NYAP2: variants seen among roughly 807,000 people sequenced by gnomAD.
NYAP2 encodes the protein neuronal tyrosine-phosphorylated phosphoinositide-3-kinase adapter 2.
A neutral mutation model predicts 50.4 loss-of-function variants in NYAP2; 23 were observed. That is an observed-to-expected ratio of 0.46 (90% CI 0.33 to 0.65). NYAP2 has a LOEUF of 0.65. Among genes scored for constraint, NYAP2 ranks in the 30% least tolerant of loss-of-function variants. The pLI is 0.02. For synonymous variants in NYAP2, 394 were observed against 365.2 expected (o/e 1.08, Z -0.90); for missense variants, 885 against 861.0 (o/e 1.03, Z -0.35).
At position 225,595,683 on chromosome 2, in the gene NYAP2, T is replaced by C. The variant is rs140429270; in HGVS notation, c.1618+12648T>C. Reference sequence around the variant, plus strand: ...TCACTTGTAGCCTGCAGAATTCATTTTGGCATCTGAACCAAGCTGTGTGTA... The same window carrying C: ...TCACTTGTAGCCTGCAGAATTCATTCTGGCATCTGAACCAAGCTGTGTGTA... On this transcript the variant is annotated intron_variant, in intron 5 of 6. Transcript: ENST00000636099. Among the ~76,000 whole-genome samples, 63 of 152,354 alleles carry C rather than the reference T, an allele frequency of 4.1e-4. No individual in the cohort carries two copies. The East Asian group carries it at 0.011, about 28-fold the overall frequency.
At chr2:225,629,373 C>T (rs1693270492) in intron 6 of NYAP2, among the ~76,000 whole-genome samples, 1 of 152,204 alleles carries the variant, frequency 6.6e-6, no homozygotes, top group South Asian at 2.1e-4. Context: ...AGATACTAAT[C>T]TCTTCCAGAA....
intron 4 of NYAP2, 46 bp downstream of exon 4, chr2:225,513,718 G>A: frequency 6.9e-7 from 1 of 1,446,440 alleles, no homozygotes; most frequent in Non-Finnish European, 9.2e-7. Flanking sequence ...CTTTCAGATA[G>A]TATGTTCAGG....
intron 3 of NYAP2, among the ~76,000 whole-genome samples, chr2:225,421,451 C>CA (rs1559175413): frequency 6.6e-6 from 1 of 151,876 alleles, no homozygotes; most frequent in African/African-American, 2.4e-5. Context: ...TTGTGATTTA[C>CA]AAAAAATAAA....
Position 225,417,079 on chromosome 2 carries a change from G to T in NYAP2, c.221+7978G>T, listed in dbSNP as rs556679305. Among the ~76,000 whole-genome samples, 69 of 152,254 alleles carry T rather than the reference G, an allele frequency of 4.5e-4. 1 individual carries two copies. The South Asian group carries it at 0.012, about 26-fold the overall frequency. ...TTTTATATTCTTCAAGCTATTGGAG[G>T]ATATCTTTAACTAAAGATGGCCTTT... is the stretch of plus-strand genomic sequence containing the variant. On this transcript the variant is annotated intron_variant, in intron 3 of 6. Transcript: ENST00000636099.
chr2:225,618,746 G>A (rs1378082963), intron 5 of NYAP2, among the ~76,000 whole-genome samples: 3 of 152,216 alleles, frequency 2.0e-5, no homozygotes, highest in African/African-American at 7.2e-5. Flanking sequence ...TTTACGAAGG[G>A]CCTGATGTCT....
At chr2:225,441,037 A>G (rs1405086122) in intron 3 of NYAP2, among the ~76,000 whole-genome samples, 1 of 152,086 alleles carries the variant, frequency 6.6e-6, no homozygotes, top group Non-Finnish European at 1.5e-5. Context: ...ATCTAACCAT[A>G]ACTCTTTTCT....
chr2:225,505,505 T>C lies in NYAP2; in HGVS notation c.222-7866T>C, dbSNP rs543863899. ...TACTGCCTGATTTAAAAACTATATA[T>C]GGGGCAAATATATAAAGCAGTTAAT... On this transcript the variant is annotated intron_variant, in intron 3 of 6. Transcript: ENST00000636099. 7.2e-5 allele frequency among the ~76,000 whole-genome samples: 11 copies of C among 152,302 alleles called. No individual in the cohort carries two copies. The East Asian group carries it at 2.1e-3, about 29-fold the overall frequency.
intron 3 of NYAP2, among the ~76,000 whole-genome samples, chr2:225,504,429 G>T (rs72974573): frequency 0.013 from 1,942 of 152,218 alleles, 16 homozygotes; most frequent in Admixed American, 0.022. Context: ...AATTTGGGGT[G>T]GGGGAGCAGG....
upstream of NYAP2, among the ~76,000 whole-genome samples, chr2:225,398,581 G>A (rs1175992651): frequency 6.6e-6 from 1 of 151,798 alleles, no homozygotes; most frequent in Non-Finnish European, 1.5e-5. Context: ...GGTGCTTGAG[G>A]CACTTTTCAG....
At chr2:225,500,387 T>A (rs1690584555) in intron 3 of NYAP2, among the ~76,000 whole-genome samples, 1 of 152,254 alleles carries the variant, frequency 6.6e-6, no homozygotes, top group Non-Finnish European at 1.5e-5. Flanking sequence ...TCCTTGGTAG[T>A]TCATTTTTCA....
the NYAP2 span, among the ~76,000 whole-genome samples, chr2:225,678,678 A>G: frequency 3.7e-4 from 56 of 152,284 alleles, no homozygotes; most frequent in African/African-American, 1.3e-3. Flanking sequence ...GACGTTACAT[A>G]TACTTGAATT....
At chr2:225,584,798 A>T (rs1157157818) in intron 5 of NYAP2, among the ~76,000 whole-genome samples, 2 of 152,218 alleles carry the variant, frequency 1.3e-5, no homozygotes, top group African/African-American at 4.8e-5. Flanking sequence ...CTAATATATT[A>T]GGCATGTCTG....
chr2:225,488,740 C>T (rs1690348202), intron 3 of NYAP2, among the ~76,000 whole-genome samples: 1 of 152,160 alleles, frequency 6.6e-6, no homozygotes, highest in Non-Finnish European at 1.5e-5. Flanking sequence ...CCCAAACTTC[C>T]TGAACAGGTG....
At chr2:225,676,358 T>C in the NYAP2 span, among the ~76,000 whole-genome samples, 1 of 152,162 alleles carries the variant, frequency 6.6e-6, no homozygotes, top group Non-Finnish European at 1.5e-5. Flanking sequence ...AGTTTCATTC[T>C]TCTGCATATG....
In NYAP2 at chr2:225,582,770, C is replaced by T. The variant is rs776126554; in HGVS notation, c.1353C>T (p.Leu451=). The T allele has an allele frequency of 6.2e-7, 1 of 1,613,874 alleles. No individual in the cohort carries two copies. Among genetic ancestry groups the T allele is most frequent in the South Asian group, 1.1e-5 (1 of 91,074 alleles). ...GGAGGTCCCTGACTCCCCTGAGCCT[C>T]AAAAGGCCTCCCCCTTACGACGCTG... is the stretch of plus-strand genomic sequence containing the variant. Residue 451 remains leucine, a synonymous_variant, in exon 5 of 7, where the codon CTC becomes CTT. Coordinates refer to ENST00000636099, the Ensembl canonical transcript of NYAP2. This position sits in a 1 kb window ranked among gnomAD's most constrained non-coding sequence, Gnocchi z 7.0.
chr2:225,508,506 G>T (rs1259448543), intron 3 of NYAP2, among the ~76,000 whole-genome samples: 3 of 152,176 alleles, frequency 2.0e-5, no homozygotes, highest in South Asian at 4.1e-4. Flanking sequence ...GACAGAGTTA[G>T]AAGTCTGGGA....
rs1689674779 is a variant in NYAP2 at position 225,452,799 on chromosome 2, A to G, written c.221+43698A>G. ...CGTACACCCCACCACACACATGCACACGTAACAGAGCTCAACACACAGGGC... is the reference window on the plus strand; with the variant it reads ...CGTACACCCCACCACACACATGCACGCGTAACAGAGCTCAACACACAGGGC... On this transcript the variant is annotated intron_variant, in intron 3 of 6. Transcript: ENST00000636099. Among the ~76,000 whole-genome samples the G allele has an allele frequency of 2.0e-5, 3 of 152,174 alleles. No individual in the cohort carries two copies. In the South Asian group the frequency reaches 6.2e-4, roughly 32 times the overall value.
intron 3 of NYAP2, among the ~76,000 whole-genome samples, chr2:225,492,957 G>T (rs1345464175): frequency 6.6e-6 from 1 of 151,932 alleles, no homozygotes; most frequent in Non-Finnish European, 1.5e-5. Context: ...GCAGAGGAAT[G>T]TGTGCTCTGC....
chr2:225,695,935 C>A, the NYAP2 span, among the ~76,000 whole-genome samples: 1 of 151,800 alleles, frequency 6.6e-6, no homozygotes, highest in Non-Finnish European at 1.5e-5. Context: ...AAATTAGGTA[C>A]AAGCAAGATA....
Sources: allele counts gnomAD v4.1 joint callset (sites outside exome capture counted in the v4.1 genomes callset), GRCh38; gene constraint gnomAD v4.1.1; non-coding constraint Gnocchi (gnomAD v3.1); transcripts MANE v1.5; gene names NCBI Gene and HGNC (gene_info 2026-07-23, HGNC 2026-07-21).